Variants in FYB1 observed in about 807,000 individuals in gnomAD.
FYB1 encodes the protein FYN binding protein 1.
FYB1 carries 41 observed loss-of-function variants against 94.1 expected under a neutral mutation model. That is an observed-to-expected ratio of 0.44 (90% confidence interval 0.34 to 0.57). The LOEUF is 0.57. Among genes scored for constraint, FYB1 ranks in the 20% least tolerant of loss-of-function variants. FYB1 has a pLI of 0.02. For missense variants in FYB1, 1,050 were observed against 976.8 expected (o/e 1.07, Z -1.00); for synonymous variants, 367 against 353.2 (o/e 1.04, Z -0.44).
intron 1 of FYB1, among the ~76,000 whole-genome samples, chr5:39,247,395 A>C (rs934076520): frequency 6.6e-6 from 1 of 152,026 alleles, no homozygotes; most frequent in Non-Finnish European, 1.5e-5. Context: ...CACATGATAA[A>C]ATCTTTAGTA....
chr5:39,154,890 C>T (rs758261323), intron 2 of FYB1, among the ~76,000 whole-genome samples: 1 of 152,038 alleles, frequency 6.6e-6, no homozygotes, highest in Non-Finnish European at 1.5e-5. Flanking sequence ...CCTCGCCCGG[C>T]CTCCTTTTAA....
intron 1 of FYB1, among the ~76,000 whole-genome samples, chr5:39,267,841 T>G (rs2111732733): frequency 6.6e-6 from 1 of 152,330 alleles, no homozygotes; most frequent in East Asian, 1.9e-4. Flanking sequence ...CTGGCTACTT[T>G]GCTAGGAATT....
chr5:39,184,811 G>A (rs897683960), intron 2 of FYB1, among the ~76,000 whole-genome samples: 2 of 151,990 alleles, frequency 1.3e-5, no homozygotes, highest in African/African-American at 4.8e-5. Context: ...GTTGGATACA[G>A]GTTTTAAAAC....
At chr5:39,228,748 T>C (rs946482313) in intron 1 of FYB1, among the ~76,000 whole-genome samples, 3 of 152,214 alleles carry the variant, frequency 2.0e-5, no homozygotes, top group East Asian at 3.9e-4. Flanking sequence ...ATACTTCTTA[T>C]ATATGAACTT....
intron 17 of FYB1, 115 bp downstream of exon 17, chr5:39,110,241 A>G: frequency 3.2e-6 from 2 of 629,768 alleles, no homozygotes; most frequent in Non-Finnish European, 5.4e-6. Context: ...ATTGTTTTTA[A>G]ATTTATTTAT....
intron 13 of FYB1, among the ~76,000 whole-genome samples, chr5:39,122,929 G>A (rs1462348309): frequency 3.9e-5 from 6 of 152,020 alleles, no homozygotes; most frequent in African/African-American, 1.2e-4. Context: ...ACCTTTAAAT[G>A]GAAAGATTAT....
At chr5:39,227,204 C>A (rs1036486027) in intron 1 of FYB1, among the ~76,000 whole-genome samples, 2 of 151,944 alleles carry the variant, frequency 1.3e-5, no homozygotes, top group African/African-American at 4.8e-5. Flanking sequence ...TTAAAATATA[C>A]CAAAAAGATA....
chr5:39,185,829 G>A (rs1221320552), intron 2 of FYB1, among the ~76,000 whole-genome samples: 1 of 152,030 alleles, frequency 6.6e-6, no homozygotes, highest in Non-Finnish European at 1.5e-5. Flanking sequence ...ACTCAGAGAT[G>A]GAGAATATTG....
intron 2 of FYB1, among the ~76,000 whole-genome samples, chr5:39,199,596 T>A (rs260078): frequency 0.83 from 126,873 of 152,152 alleles, 53,486 homozygotes; most frequent in Non-Finnish European, 0.9. Context: ...ATTTTAAAAA[T>A]ACAAGGATCA....
chr5:39,235,972 A>T (rs767222547), intron 1 of FYB1, among the ~76,000 whole-genome samples: 15 of 151,994 alleles, frequency 9.9e-5, no homozygotes, highest in Non-Finnish European at 1.5e-4. Context: ...CTAAAACATT[A>T]ATTTCATTTA....
chr5:39,110,537 G>C (rs1738975328), intron 16 of FYB1, 148 bp from the exon 17 acceptor site: 7 of 487,612 alleles, frequency 1.4e-5, no homozygotes, highest in Non-Finnish European at 2.6e-5. Context: ...TTTCTTACTT[G>C]TGTCTACTTT....
At chr5:39,240,554 CA>C (rs137915444) in intron 1 of FYB1, among the ~76,000 whole-genome samples, 25,595 of 151,974 alleles carry the variant, frequency 0.17, 5,749 homozygotes, top group African/African-American at 0.5. Flanking sequence ...ATGCAGCCAA[CA>C]AAGCATATGA....
In FYB1 at chr5:39,202,286, G is replaced by A; in HGVS notation, c.675C>T (p.Ser225=). The A allele has an allele frequency of 6.2e-7, 1 of 1,613,814 alleles. No homozygotes were observed. The highest frequency in any genetic ancestry group is 8.5e-7 in the Non-Finnish European group (1 of 1,179,848). ...TGGACCTGACTCCCAGGGGAGCTGG[G>A]GACCCTTTTGATGAAGACACATTCT... ...PMKNVSSSKG[S]PAPLGVRSKS... Residue 225 remains serine, a synonymous_variant, in exon 2 of 19, where the codon TCC becomes TCT. Coordinates refer to ENST00000512982, the MANE Select transcript of FYB1 (RefSeq NM_001465.6).
At chr5:39,171,828 C>T (rs544040386) in intron 2 of FYB1, among the ~76,000 whole-genome samples, 4 of 152,204 alleles carry the variant, frequency 2.6e-5, no homozygotes, top group Admixed American at 6.5e-5. Flanking sequence ...CCAAAGCATA[C>T]GTGGGCCAAA....
intron 2 of FYB1, among the ~76,000 whole-genome samples, chr5:39,189,302 C>T (rs982421544): frequency 6.7e-6 from 1 of 150,360 alleles, no homozygotes; most frequent in Non-Finnish European, 1.5e-5. Flanking sequence ...GATGAAACAG[C>T]CTGACTGTCA....
At chr5:39,120,445 C>A (rs1739983132) in intron 14 of FYB1, among the ~76,000 whole-genome samples, 1 of 152,092 alleles carries the variant, frequency 6.6e-6, no homozygotes, top group Admixed American at 6.6e-5. Context: ...ATTTTTGTAG[C>A]CTGTCCGCAC....
chr5:39,146,405 C>T (rs1176871329), intron 3 of FYB1, among the ~76,000 whole-genome samples: 1 of 152,100 alleles, frequency 6.6e-6, no homozygotes, highest in Non-Finnish European at 1.5e-5. Flanking sequence ...CCATAAACAC[C>T]TTAAGGAAAG....
chr5:39,122,166 C>T (rs920511253), intron 14 of FYB1, among the ~76,000 whole-genome samples, 170 bp downstream of exon 14: 12 of 151,934 alleles, frequency 7.9e-5, no homozygotes, highest in African/African-American at 2.7e-4. Flanking sequence ...TCACAAACCT[C>T]GCAGGGAGGG....
Position 39,108,063 on chromosome 5 carries a change from C to T in FYB1, c.2467+168G>A, listed in dbSNP as rs878953670. Among the ~76,000 whole-genome samples, 8 of 151,788 alleles carry T rather than the reference C, an allele frequency of 5.3e-5. No homozygotes were observed. In the South Asian group the frequency reaches 8.3e-4, roughly 16 times the overall value. On this transcript the variant is annotated intron_variant, in intron 18 of 18. Transcript: ENST00000512982. ...TTAATTTTCCATCTTGTGGGAAATG[C>T]GGTATTTTCCCCCCATTATGCCAGG...
Sources: gnomAD v4.1 joint callset for allele counts (sites outside exome capture counted in the v4.1 genomes callset) on GRCh38, gnomAD v4.1.1 for gene constraint, MANE v1.5 for transcripts, NCBI Gene and HGNC (gene_info 2026-07-23, HGNC 2026-07-21) for gene names.